Variants in BBS9 observed in about 807,000 individuals in gnomAD.
The protein encoded by BBS9 is protein PTHB1.
Under a neutral mutation model 117.7 loss-of-function variants are expected in BBS9, and 89 were observed. The ratio of observed to expected loss-of-function variants is 0.76; its 90% confidence interval spans 0.64 to 0.90. The LOEUF (loss-of-function observed/expected upper bound fraction) is 0.90, where lower values mean the gene tolerates loss of function less well. Among genes scored for constraint, BBS9 ranks in the 40% least tolerant of loss-of-function variants. The pLI is 0.00. For synonymous variants in BBS9, 379 were observed against 370.9 expected, an observed-to-expected ratio of 1.02 and a Z score of -0.25; for missense variants, 982 against 1,042.2, an observed-to-expected ratio of 0.94 and a Z score of 0.80.
At chr7:33,430,238 T>A (rs1401201236) in intron 19 of BBS9, among the ~76,000 whole-genome samples, 1 of 152,216 alleles carries the variant, frequency 6.6e-6, no homozygotes, top group Non-Finnish European at 1.5e-5. Context: ...ACTCAAAAGA[T>A]GTTGAGAGTC....
intron 19 of BBS9, among the ~76,000 whole-genome samples, chr7:33,401,813 A>T (rs191568652): frequency 6.6e-6 from 1 of 152,280 alleles, no homozygotes; most frequent in East Asian, 1.9e-4. Context: ...AGGGAAGGGG[A>T]TTCTACAGAA....
chr7:33,231,428 C>CTT lies in BBS9; in HGVS notation c.443-25792_443-25791dup, dbSNP rs35407590. Among the ~76,000 whole-genome samples, 1,011 of 106,356 alleles carry CTT rather than the reference C, an allele frequency of 9.5e-3. 36 individuals are homozygous for CTT. Among genetic ancestry groups the CTT allele is most frequent in the African/African-American group, 0.03 (851 of 28,138 alleles). The allele number at this position is 106,356 out of a possible 152,430, so 69.8% of individuals were successfully genotyped here. A position where few individuals can be genotyped will look rare whatever the true frequency, so the allele number is the denominator to read the frequency against. On this transcript the variant is annotated intron_variant, in intron 5 of 22. Transcript: ENST00000242067. ...TATTCTGTTCCTCTGGCCTATGTGT[C>CTT]TTTTTTTTTTTTTTTTTGCCAGGAC...
chr7:33,155,986 T>TAG lies in BBS9; in HGVS notation c.328+287_328+288dup, dbSNP rs1406665532. Among the ~76,000 whole-genome samples, 4 of 152,330 alleles carry TAG rather than the reference T, an allele frequency of 2.6e-5. No homozygotes were observed. In the East Asian group the frequency reaches 7.7e-4, roughly 29 times the overall value. Reference sequence around the variant, plus strand: ...TGTTTCCGGGATTGCCTGTGACTAATAGAGGCCAATTCTGGGTACTTAAGA... The same window carrying TAG: ...TGTTTCCGGGATTGCCTGTGACTAATAGAGAGGCCAATTCTGGGTACTTAAGA... On this transcript the variant is annotated intron_variant, in intron 4 of 22. Transcript: ENST00000242067.
chr7:33,353,236 G>T (rs74867661), intron 15 of BBS9, among the ~76,000 whole-genome samples: 4,918 of 152,220 alleles, frequency 0.032, 140 homozygotes, highest in African/African-American at 0.077. Flanking sequence ...AAAAGTGTTT[G>T]TCACTGAATT....
At chr7:33,432,607 T>C (rs1364534743) in intron 19 of BBS9, among the ~76,000 whole-genome samples, 1 of 152,262 alleles carries the variant, frequency 6.6e-6, no homozygotes, top group East Asian at 1.9e-4. Context: ...TTTATCTCTT[T>C]GTTGTTTTAG....
intron 19 of BBS9, among the ~76,000 whole-genome samples, chr7:33,395,633 A>G (rs1001603805): frequency 2.7e-4 from 41 of 152,180 alleles, no homozygotes; most frequent in Admixed American, 5.2e-4. Flanking sequence ...AAGAGGCTGT[A>G]TTAGGCATAA....
chr7:33,314,597 T>G (rs1306059363), intron 9 of BBS9: 1 of 154,748 alleles, frequency 6.5e-6, no homozygotes, highest in African/African-American at 2.4e-5. Context: ...GTATCTGGAG[T>G]GTTGTAGTGT....
At chr7:33,373,846 T>C (rs1325632553) in intron 17 of BBS9, among the ~76,000 whole-genome samples, 1 of 152,196 alleles carries the variant, frequency 6.6e-6, no homozygotes, top group Non-Finnish European at 1.5e-5. Context: ...TAGTCACATA[T>C]GTGAAAAATG....
At chr7:33,437,649 G>A (rs527247574) in intron 19 of BBS9, among the ~76,000 whole-genome samples, 3 of 152,168 alleles carry the variant, frequency 2.0e-5, no homozygotes, top group South Asian at 2.1e-4. Context: ...CGAGGTGGGC[G>A]GATCACCTGA....
chr7:33,633,837 G>A (rs1392936136), intron 21 of BBS9, among the ~76,000 whole-genome samples: 2 of 152,178 alleles, frequency 1.3e-5, no homozygotes, highest in Non-Finnish European at 2.9e-5. Flanking sequence ...TCCTCTGTGT[G>A]AGTTGGAGTT....
At chr7:33,476,656 A>G (rs1462924631) in intron 19 of BBS9, among the ~76,000 whole-genome samples, 1 of 152,132 alleles carries the variant, frequency 6.6e-6, no homozygotes, top group Non-Finnish European at 1.5e-5. Context: ...ATCCCGTCTT[A>G]CTTCTCAGCT....
intron 20 of BBS9, among the ~76,000 whole-genome samples, chr7:33,513,086 T>C (rs572789948): frequency 2.0e-5 from 3 of 152,286 alleles, no homozygotes; most frequent in Non-Finnish European, 2.9e-5. Flanking sequence ...GTCACTTGGC[T>C]CTACCATATC....
At chr7:33,416,074 T>G (rs1176164957) in intron 19 of BBS9, among the ~76,000 whole-genome samples, 2 of 152,138 alleles carry the variant, frequency 1.3e-5, no homozygotes, top group Non-Finnish European at 2.9e-5. Flanking sequence ...GCTCAAGCAA[T>G]CTGCCTACCT....
At chr7:33,396,602 G>A (rs916989610) in intron 19 of BBS9, among the ~76,000 whole-genome samples, 1 of 152,050 alleles carries the variant, frequency 6.6e-6, no homozygotes, top group Non-Finnish European at 1.5e-5. Flanking sequence ...ATAGATTAAC[G>A]CTATTCCCAT....
chr7:33,262,457 T>G (rs1462749530), intron 6 of BBS9, among the ~76,000 whole-genome samples: 1 of 152,184 alleles, frequency 6.6e-6, no homozygotes, highest in Admixed American at 6.5e-5. Flanking sequence ...GATGTTCTAG[T>G]CACCAGCGCA....
At chr7:33,633,690 A>G (rs1866006773) in intron 21 of BBS9, among the ~76,000 whole-genome samples, 1 of 152,098 alleles carries the variant, frequency 6.6e-6, no homozygotes. Flanking sequence ...GCATACTTGC[A>G]GTATTCCTTT....
chr7:33,347,566 G>A (rs1395285643), intron 12 of BBS9, among the ~76,000 whole-genome samples: 2 of 151,834 alleles, frequency 1.3e-5, no homozygotes, highest in Non-Finnish European at 2.9e-5. Context: ...ATATTTAATT[G>A]CATCGATAGT....
At chr7:33,486,906 C>T (rs964605745) in intron 19 of BBS9, among the ~76,000 whole-genome samples, 2 of 152,202 alleles carry the variant, frequency 1.3e-5, no homozygotes, top group African/African-American at 4.8e-5. Flanking sequence ...ATTCATTGTC[C>T]TAGCCAATAA....
chr7:33,558,623 T>C lies in BBS9; in HGVS notation c.2521+24447T>C, dbSNP rs559747428. Among the ~76,000 whole-genome samples, 51 of 152,288 alleles carry C rather than the reference T, an allele frequency of 3.3e-4. 1 individual carries two copies. The highest frequency in any genetic ancestry group is 3.4e-3 in the Middle Eastern group (1 of 294). The stretch of plus-strand genomic sequence containing the variant: ...AATTCTTGAAACAGGCCTTTTTTTT[T>C]ATGAACCTATTATCTCTTAGACCAA... On this transcript the variant is annotated intron_variant, in intron 21 of 22. Transcript: ENST00000242067.
Sources: gnomAD v4.1 joint callset for allele counts (sites outside exome capture counted in the v4.1 genomes callset) on GRCh38, gnomAD v4.1.1 for gene constraint, MANE v1.5 for transcripts, NCBI Gene and HGNC (gene_info 2026-07-23, HGNC 2026-07-21) for gene names.